KANK1: variants seen among roughly 807,000 people sequenced by gnomAD.
The protein encoded by KANK1 is KN motif and ankyrin repeat domains 1, also known as KN motif and ankyrin repeat domain-containing protein 1.
A neutral mutation model predicts 106.2 loss-of-function variants in KANK1; 109 were observed. That is an observed-to-expected ratio of 1.03 (90% CI 0.88 to 1.20). The LOEUF is 1.20. Among genes scored for constraint, KANK1 ranks in the 50% most tolerant of loss-of-function variants. The pLI is 0.00. For missense variants in KANK1, 2,399 were observed against 1,710.7 expected (o/e 1.40, Z -7.10); for synonymous variants, 873 against 652.2 (o/e 1.34, Z -5.16).
intron 1 of KANK1, among the ~76,000 whole-genome samples, chr9:569,619 T>C (rs1382907288): frequency 6.6e-6 from 1 of 152,204 alleles, no homozygotes; most frequent in Non-Finnish European, 1.5e-5. Context: ...AATTACCCAG[T>C]TTCAGGTATT....
At chr9:704,400 G>C (rs893037625) in intron 2 of KANK1, among the ~76,000 whole-genome samples, 4 of 152,166 alleles carry the variant, frequency 2.6e-5, no homozygotes, top group African/African-American at 9.7e-5. Flanking sequence ...CATCACATCT[G>C]CATTCCAGGC....
At chr9:687,268 C>G (rs902192774) in intron 2 of KANK1, among the ~76,000 whole-genome samples, 1 of 152,098 alleles carries the variant, frequency 6.6e-6, no homozygotes, top group Admixed American at 6.5e-5. Flanking sequence ...CTTTTTCTCC[C>G]TGCTTTGTGG....
At chr9:572,764 C>T (rs986788148) in intron 1 of KANK1, among the ~76,000 whole-genome samples, 8 of 152,124 alleles carry the variant, frequency 5.3e-5, no homozygotes, top group African/African-American at 1.4e-4. Flanking sequence ...TTTTTTGCAT[C>T]AGAACATGTT....
rs139432105 is a variant in KANK1 at position 640,842 on chromosome 9, G to A, written c.-83-36048G>A. On this transcript the variant is annotated intron_variant, in intron 1 of 11. Coordinates refer to ENST00000382297, the MANE Select transcript of KANK1 (RefSeq NM_015158.5). ...CTCCCGAGTAGCTGGACCTACATGT[G>A]CCCGCCACCAGGCCCAGCTAATTTT... 6.7e-3 allele frequency among the ~76,000 whole-genome samples: 1,010 copies of A among 151,792 alleles called. 7 individuals carry two copies. Among genetic ancestry groups the A allele is most frequent in the East Asian group, 0.029 (148 of 5,136 alleles).
intron 1 of KANK1, among the ~76,000 whole-genome samples, chr9:571,245 CAG>C (rs2134834701): frequency 6.6e-6 from 1 of 152,246 alleles, no homozygotes; most frequent in East Asian, 1.9e-4. Context: ...GCAAGGCAAA[CAG>C]AAATACTCGA....
chr9:550,063 A>G (rs1345067808), intron 1 of KANK1, among the ~76,000 whole-genome samples: 1 of 152,118 alleles, frequency 6.6e-6, no homozygotes, highest in African/African-American at 2.4e-5. Context: ...CTTTCTCGTG[A>G]GGAATGTCAG....
chr9:739,865 C>T (rs1055840595), intron 8 of KANK1, among the ~76,000 whole-genome samples: 8 of 151,806 alleles, frequency 5.3e-5, no homozygotes, highest in East Asian at 1.9e-4. Flanking sequence ...CCGCAAAGTC[C>T]GAGGTGCTAA....
In KANK1 at chr9:647,461, T is replaced by G. The variant is rs191718743; in HGVS notation, c.-83-29429T>G. 2.2e-3 allele frequency among the ~76,000 whole-genome samples: 327 copies of G among 151,182 alleles called. 2 individuals are homozygous for G. The highest frequency in any genetic ancestry group is 5.0e-3 in the Admixed American group (77 of 15,258). On this transcript the variant is annotated intron_variant, in intron 1 of 11. Coordinates refer to ENST00000382297, the MANE Select transcript of KANK1 (RefSeq NM_015158.5). ...TATCTCTTTGGTCTCTTTCTCTGTC[T>G]TTAACATTGGTCAGGTTCCAAACTA...
At chr9:650,835 G>A (rs982861590) in intron 1 of KANK1, among the ~76,000 whole-genome samples, 7 of 152,076 alleles carry the variant, frequency 4.6e-5, no homozygotes, top group African/African-American at 1.2e-4. Flanking sequence ...TTCCAGTAAC[G>A]GCTTATTTTA....
upstream of KANK1, among the ~76,000 whole-genome samples, chr9:502,269 G>T (rs1305927454): frequency 6.6e-6 from 1 of 152,082 alleles, no homozygotes; most frequent in East Asian, 1.9e-4. Context: ...TGATGGTTGT[G>T]TGACTTTGGG....
chr9:564,710 C>T (rs1246412951), intron 1 of KANK1, among the ~76,000 whole-genome samples: 1 of 152,222 alleles, frequency 6.6e-6, no homozygotes, highest in Non-Finnish European at 1.5e-5. Context: ...CGCTCTTCCA[C>T]CTCCTAACAC....
chr9:587,828 G>T (rs763316258), intron 1 of KANK1, among the ~76,000 whole-genome samples: 13 of 152,198 alleles, frequency 8.5e-5, no homozygotes, highest in Non-Finnish European at 1.9e-4. Context: ...CACTTTAGGA[G>T]GCCAAGGCAG....
chr9:708,997 G>A (rs1243017427), intron 2 of KANK1, among the ~76,000 whole-genome samples: 2 of 152,192 alleles, frequency 1.3e-5, no homozygotes, highest in African/African-American at 4.8e-5. Context: ...TTAAATGTCT[G>A]GTTTAGCCTT....
rs144772882 is a variant in KANK1, at chr9:543,430, G to A, written c.-84+38676G>A. Reference sequence around the variant, plus strand: ...AAAAAATAGCTGTGCATGGTAACGGGCGCTTGTTATCCCAGCTACTCGGGA... The same window carrying A: ...AAAAAATAGCTGTGCATGGTAACGGACGCTTGTTATCCCAGCTACTCGGGA... On this transcript the variant is annotated intron_variant, in intron 1 of 11. Transcript: ENST00000382297. 8.4e-4 allele frequency among the ~76,000 whole-genome samples: 128 copies of A among 151,958 alleles called. 1 individual carries two copies. The highest frequency in any genetic ancestry group is 2.9e-3 in the African/African-American group (119 of 41,408).
intron 1 of KANK1, among the ~76,000 whole-genome samples, chr9:633,624 C>G (rs1237076021): frequency 5.9e-5 from 9 of 152,294 alleles, no homozygotes; most frequent in African/African-American, 2.2e-4. Flanking sequence ...CATTCTGACT[C>G]ATCTTTCCAG....
intron 2 of KANK1, among the ~76,000 whole-genome samples, chr9:698,334 C>T (rs112694308): frequency 0.011 from 1,705 of 152,198 alleles, 35 homozygotes; most frequent in African/African-American, 0.038. Context: ...ACCTGGATTC[C>T]CTAAAATGTT....
rs71314729 is a variant in KANK1, at chr9:706,568, CTT to C, written c.38-4223_38-4222del. On this transcript the variant is annotated intron_variant, in intron 2 of 11. Transcript: ENST00000382297. ...CGTTCTTTAAATTATCTGTATGTGG[CTT>C]TTTTTTTTTTTTAATGTTTTACAAG... Among the ~76,000 whole-genome samples, 335 of 137,978 alleles carry C rather than the reference CTT, an allele frequency of 2.4e-3. 1 individual carries two copies. The highest frequency in any genetic ancestry group is 4.9e-3 in the African/African-American group (180 of 36,980). The allele number at this position is 137,978 out of a possible 152,430, so 90.5% of individuals were successfully genotyped here.
intron 3 of KANK1, among the ~76,000 whole-genome samples, chr9:719,095 G>A (rs1046712901): frequency 6.6e-6 from 1 of 151,636 alleles, no homozygotes; most frequent in Non-Finnish European, 1.5e-5. Flanking sequence ...GAATAGCTGG[G>A]ACTACAGGCA....
At chr9:602,108 G>T (rs1006623404) in intron 1 of KANK1, among the ~76,000 whole-genome samples, 4 of 151,862 alleles carry the variant, frequency 2.6e-5, no homozygotes, top group Admixed American at 6.5e-5. Flanking sequence ...TAGAAAAATA[G>T]GTTCTTTATC....
Sources: allele counts gnomAD v4.1 joint callset (sites outside exome capture counted in the v4.1 genomes callset), GRCh38; gene constraint gnomAD v4.1.1; transcripts MANE v1.5; gene names NCBI Gene and HGNC (gene_info 2026-07-23, HGNC 2026-07-21).